The following RNF220 variants were observed in gnomAD, a reference collection of about 807,000 sequenced individuals.
The protein encoded by RNF220 is ring finger protein 220, also known as E3 ubiquitin-protein ligase RNF220.
In RNF220, 7 loss-of-function variants were observed where a neutral mutation model predicts 67.1. The ratio of observed to expected loss-of-function variants is 0.10; its 90% CI spans 0.06 to 0.20. The LOEUF (loss-of-function observed/expected upper bound fraction) is 0.20. RNF220 is among the 10% of genes least tolerant of loss of function. RNF220 has a pLI of 1.00. For synonymous variants in RNF220, 270 were observed against 283.2 expected (o/e 0.95, Z 0.47); for missense variants, 565 against 740.3 (o/e 0.76, Z 2.75).
chr1:44,450,310 G>T lies in RNF220; in HGVS notation c.625+37588G>T, dbSNP rs115957134. 2.5e-3 allele frequency among the ~76,000 whole-genome samples: 379 copies of T among 152,080 alleles called. 4 individuals carry two copies. Among genetic ancestry groups the T allele is most frequent in the Non-Finnish European group, 4.4e-3 (299 of 67,998 alleles). On this transcript the variant is annotated intron_variant, in intron 2 of 14. Transcript: ENST00000361799. ...TTACTGTAGATATAGCAGGAGGTTG[G>T]GTTTTTTTAATTGGTTTTGAAATGT...
intron 2 of RNF220, among the ~76,000 whole-genome samples, chr1:44,574,972 G>T (rs1664704277): frequency 6.6e-6 from 1 of 151,860 alleles, no homozygotes; most frequent in African/African-American, 2.4e-5. Flanking sequence ...GGGTATTTAG[G>T]GTTTCCATCA....
At chr1:44,578,144 C>CTTTTTTTTTTTTTTTTTTTTTTTTTCT (rs749348924) in intron 2 of RNF220, among the ~76,000 whole-genome samples, 5 of 117,154 alleles carry the variant, frequency 4.3e-5, no homozygotes, top group Non-Finnish European at 6.7e-5. Flanking sequence ...TCTTTCTTTC[C>CTTTTTTTTTTTTTTTTTTTTTTTTTCT]TTTTTTTTTT....
chr1:44,539,463 C>A (rs1310510486), intron 2 of RNF220, among the ~76,000 whole-genome samples: 1 of 152,156 alleles, frequency 6.6e-6, no homozygotes, highest in African/African-American at 2.4e-5. Flanking sequence ...ACGTGCCATG[C>A]ACCATATGAG....
intron 2 of RNF220, among the ~76,000 whole-genome samples, chr1:44,525,688 G>C (rs943529086): frequency 1.3e-5 from 2 of 152,120 alleles, no homozygotes; most frequent in African/African-American, 4.8e-5. Flanking sequence ...TTGGCACTCA[G>C]TATCTCCCTG....
chr1:44,495,046 C>T (rs1657207021), intron 2 of RNF220, among the ~76,000 whole-genome samples: 1 of 152,080 alleles, frequency 6.6e-6, no homozygotes, highest in Non-Finnish European at 1.5e-5. Flanking sequence ...GACCTCATCT[C>T]TACCAAAAAT....
chr1:44,418,285 C>T (rs541896342), intron 2 of RNF220, among the ~76,000 whole-genome samples: 2 of 152,196 alleles, frequency 1.3e-5, no homozygotes, highest in East Asian at 3.9e-4. Context: ...GGGAGCAGGG[C>T]GCGTGGAGGA....
In RNF220 at chr1:44,579,028, C is replaced by T. The variant is rs188737168; in HGVS notation, c.626-35137C>T. ...AAAATACAAAAAAATTACAGGCAGG[C>T]GCCTGTAATCCCAGCTACTCGGGAG... On this transcript the variant is annotated intron_variant, in intron 2 of 14. Transcript: ENST00000361799. Among the ~76,000 whole-genome samples the T allele has an allele frequency of 8.3e-3, 1,260 of 151,702 alleles. 13 individuals are homozygous for T. Among genetic ancestry groups the T allele is most frequent in the Non-Finnish European group, 0.011 (753 of 67,898 alleles).
intron 2 of RNF220, among the ~76,000 whole-genome samples, chr1:44,473,574 G>A (rs1202914660): frequency 1.3e-5 from 2 of 152,116 alleles, no homozygotes; most frequent in Non-Finnish European, 2.9e-5. Flanking sequence ...CAACTTACTA[G>A]GCTTCATTTC....
At chr1:44,644,671 G>GT (rs1225420219) in intron 8 of RNF220, 27 bp from the exon 9 acceptor site, 1 of 1,599,380 alleles carries the variant, frequency 6.3e-7, no homozygotes, top group Non-Finnish European at 8.6e-7. Context: ...TTGTCCCCAG[G>GT]CCCTCCTCAC....
chr1:44,531,695 T>G (rs1227230357), intron 2 of RNF220, among the ~76,000 whole-genome samples: 1 of 152,156 alleles, frequency 6.6e-6, no homozygotes, highest in African/African-American at 2.4e-5. Flanking sequence ...CATGACACTT[T>G]GGGGTCAGAA....
intron 2 of RNF220, among the ~76,000 whole-genome samples, chr1:44,541,908 C>T (rs1390102911): frequency 1.3e-5 from 2 of 152,318 alleles, no homozygotes; most frequent in African/African-American, 4.8e-5. Flanking sequence ...AGAGATTCCT[C>T]TTAAGAAAAA....
chr1:44,406,989 T>A (rs1410700013), intron 1 of RNF220, among the ~76,000 whole-genome samples: 1 of 151,990 alleles, frequency 6.6e-6, no homozygotes, highest in African/African-American at 2.4e-5. Flanking sequence ...AGCTCTCGCT[T>A]CCCGTTAAGC....
chr1:44,634,867 A>G (rs536138063), intron 6 of RNF220, among the ~76,000 whole-genome samples: 1 of 152,162 alleles, frequency 6.6e-6, no homozygotes, highest in Non-Finnish European at 1.5e-5. Flanking sequence ...GAAATGATGG[A>G]ACAGGTTCGG....
intron 2 of RNF220, among the ~76,000 whole-genome samples, chr1:44,569,083 GAACA>G (rs1013405691): frequency 2.0e-5 from 3 of 152,160 alleles, no homozygotes; most frequent in Non-Finnish European, 2.9e-5. Context: ...AACTGATGAA[GAACA>G]AACACTTCAC....
intron 6 of RNF220, among the ~76,000 whole-genome samples, chr1:44,635,005 T>G (rs1011781961): frequency 7.2e-5 from 11 of 152,106 alleles, no homozygotes; most frequent in African/African-American, 2.4e-4. Flanking sequence ...ATGGGATTAG[T>G]GGACCTCAGA....
intron 2 of RNF220, among the ~76,000 whole-genome samples, chr1:44,537,899 A>G (rs776211081): frequency 1.4e-4 from 22 of 152,352 alleles, no homozygotes; most frequent in South Asian, 6.2e-4. Context: ...TGTAAACTCA[A>G]CCAGAATTCC....
intron 2 of RNF220, among the ~76,000 whole-genome samples, chr1:44,458,380 C>G (rs888515735): frequency 6.8e-6 from 1 of 148,016 alleles, no homozygotes; most frequent in Admixed American, 6.8e-5. Flanking sequence ...TTAGGACAGT[C>G]TCTCAAGCCA....
intron 2 of RNF220, among the ~76,000 whole-genome samples, chr1:44,462,532 A>G (rs368466793): frequency 6.6e-6 from 1 of 152,210 alleles, no homozygotes; most frequent in Non-Finnish European, 1.5e-5. Context: ...GTTTCCCCAA[A>G]TTTCACATTA....
intron 2 of RNF220, among the ~76,000 whole-genome samples, chr1:44,429,167 G>C (rs1232286788): frequency 7.6e-6 from 1 of 131,630 alleles, no homozygotes; most frequent in Non-Finnish European, 1.8e-5. Flanking sequence ...TCCAACACTA[G>C]CTTAAAAAAA....
Sources: allele counts gnomAD v4.1 joint callset (sites outside exome capture counted in the v4.1 genomes callset), GRCh38; gene constraint gnomAD v4.1.1; transcripts MANE v1.5; gene names NCBI Gene and HGNC (gene_info 2026-07-23, HGNC 2026-07-21).